CDH18: variants seen among roughly 807,000 people sequenced by gnomAD.
The protein encoded by CDH18 is cadherin 18, also known as cadherin-18.
A neutral mutation model predicts 67.9 loss-of-function variants in CDH18; 31 were observed. That is an observed-to-expected ratio of 0.46 (90% confidence interval 0.34 to 0.62). CDH18 has a LOEUF of 0.62. Among genes scored for constraint, CDH18 ranks in the 20% least tolerant of loss-of-function variants. The pLI is 0.01. For missense variants in CDH18, 890 were observed against 975.5 expected, an observed-to-expected ratio of 0.91 and a Z score of 1.17; for synonymous variants, 362 against 347.2, an observed-to-expected ratio of 1.04 and a Z score of -0.48.
chr5:20,389,250 T>C (rs550964729), intron 1 of CDH18, among the ~76,000 whole-genome samples: 1 of 152,324 alleles, frequency 6.6e-6, no homozygotes, highest in East Asian at 1.9e-4. Flanking sequence ...ATTGGGTGCA[T>C]ATATATTCAG....
At chr5:20,271,675 A>G (rs565039725) in intron 1 of CDH18, among the ~76,000 whole-genome samples, 1 of 152,076 alleles carries the variant, frequency 6.6e-6, no homozygotes, top group African/African-American at 2.4e-5. Context: ...GTGAGGACAT[A>G]GCCAGAAGAT....
intron 6 of CDH18, among the ~76,000 whole-genome samples, chr5:19,602,131 T>A (rs1006046445): frequency 6.6e-5 from 10 of 152,032 alleles, no homozygotes; most frequent in African/African-American, 2.4e-4. Flanking sequence ...ATTAAAAGCA[T>A]CCAAATTGGG....
At chr5:20,177,326 C>T (rs1737312953) in intron 2 of CDH18, among the ~76,000 whole-genome samples, 1 of 152,134 alleles carries the variant, frequency 6.6e-6, no homozygotes, top group Non-Finnish European at 1.5e-5. Flanking sequence ...GCCTTATTAT[C>T]ATGGCATCCA....
chr5:19,874,659 T>C (rs141749892), intron 2 of CDH18, among the ~76,000 whole-genome samples: 1 of 152,198 alleles, frequency 6.6e-6, no homozygotes, highest in Non-Finnish European at 1.5e-5. Flanking sequence ...AAGAATGGAT[T>C]TAAAGAGAGA....
intron 1 of CDH18, among the ~76,000 whole-genome samples, chr5:20,353,657 A>C (rs2150061055): frequency 6.6e-6 from 1 of 152,294 alleles, no homozygotes; most frequent in African/African-American, 2.4e-5. Flanking sequence ...CTCAACCTTC[A>C]GGCTTTGGCA....
chr5:19,762,971 C>T (rs551528773), intron 3 of CDH18, among the ~76,000 whole-genome samples: 6 of 152,208 alleles, frequency 3.9e-5, no homozygotes, highest in South Asian at 4.1e-4. Flanking sequence ...AGCTGGAAAC[C>T]GTCATTCTCA....
At chr5:19,481,148 C>G (rs1160123594) in intron 12 of CDH18, among the ~76,000 whole-genome samples, 5 of 152,152 alleles carry the variant, frequency 3.3e-5, no homozygotes, top group African/African-American at 1.2e-4. Flanking sequence ...TCTTCACTGT[C>G]CTCTGCTATC....
chr5:20,368,528 G>C (rs146539453), intron 1 of CDH18, among the ~76,000 whole-genome samples: 1 of 152,234 alleles, frequency 6.6e-6, no homozygotes, highest in Non-Finnish European at 1.5e-5. Flanking sequence ...ACAGAGAAAT[G>C]TTTCATATCT....
chr5:20,214,125 C>T (rs2126402830), intron 2 of CDH18, among the ~76,000 whole-genome samples: 1 of 151,792 alleles, frequency 6.6e-6, no homozygotes, highest in South Asian at 2.1e-4. Context: ...AGAAATATAG[C>T]TATCAAGAAA....
chr5:19,632,688 C>T (rs923799114), intron 5 of CDH18, among the ~76,000 whole-genome samples: 6 of 152,176 alleles, frequency 3.9e-5, no homozygotes, highest in Non-Finnish European at 8.8e-5. Context: ...TGTTAAAGTG[C>T]TTTTTGCAAA....
intron 9 of CDH18, among the ~76,000 whole-genome samples, chr5:19,522,692 C>T (rs562245863): frequency 6.6e-6 from 1 of 152,012 alleles, no homozygotes; most frequent in South Asian, 2.1e-4. Context: ...GTCAGGAGAT[C>T]GAGACCAGCC....
chr5:19,724,516 C>CACACACACACAT (rs1431436032), intron 4 of CDH18, among the ~76,000 whole-genome samples: 4 of 143,888 alleles, frequency 2.8e-5, no homozygotes, highest in African/African-American at 7.5e-5. Context: ...CAGACATACA[C>CACACACACACAT]ACACACACAC....
intron 7 of CDH18, among the ~76,000 whole-genome samples, chr5:19,585,951 G>A (rs181535055): frequency 6.6e-6 from 1 of 152,120 alleles, no homozygotes; most frequent in African/African-American, 2.4e-5. Flanking sequence ...TCAGTTTTCT[G>A]TCAACTTTCT....
intron 1 of CDH18, among the ~76,000 whole-genome samples, chr5:20,358,937 T>C (rs548851551): frequency 1.3e-3 from 200 of 149,788 alleles, no homozygotes; most frequent in African/African-American, 2.4e-3. Flanking sequence ...TCTTTCTTTT[T>C]TTTTTTTTTT....
intron 1 of CDH18, among the ~76,000 whole-genome samples, chr5:20,547,332 T>A (rs779694940): frequency 1.3e-5 from 2 of 151,524 alleles, no homozygotes; most frequent in African/African-American, 4.8e-5. Context: ...GGAGGCCGAG[T>A]TGGGCGGATC....
intron 3 of CDH18, among the ~76,000 whole-genome samples, chr5:19,818,283 T>C (rs990515330): frequency 2.0e-5 from 3 of 152,120 alleles, no homozygotes; most frequent in Non-Finnish European, 2.9e-5. Context: ...CACTCAGTAA[T>C]TATTATTATC....
intron 1 of CDH18, among the ~76,000 whole-genome samples, chr5:20,560,899 A>G (rs1758170414): frequency 6.6e-6 from 1 of 152,122 alleles, no homozygotes; most frequent in Non-Finnish European, 1.5e-5. Flanking sequence ...AACATACACA[A>G]TACATCCTAA....
chr5:20,209,149 GGTAGAAAGGTAAATGA>G (rs1277376710), intron 2 of CDH18, among the ~76,000 whole-genome samples: 1 of 151,992 alleles, frequency 6.6e-6, no homozygotes, highest in East Asian at 1.9e-4. Flanking sequence ...GTATACTGTT[GGTAGAAAGGTAAATGA>G]GTACAACCGT....
chr5:20,567,176 C>T (rs908767966), intron 1 of CDH18, among the ~76,000 whole-genome samples: 10 of 152,084 alleles, frequency 6.6e-5, no homozygotes, highest in African/African-American at 2.2e-4. Flanking sequence ...AAGGAAACAG[C>T]GAGGTAACAA....
Sources: gnomAD v4.1 joint callset for allele counts (sites outside exome capture counted in the v4.1 genomes callset) on GRCh38, gnomAD v4.1.1 for gene constraint, MANE v1.5 for transcripts, NCBI Gene and HGNC (gene_info 2026-07-23, HGNC 2026-07-21) for gene names.